The following LRRC4C variants were observed in gnomAD, a reference collection of about 807,000 sequenced individuals.
The protein encoded by LRRC4C is leucine-rich repeat-containing protein 4C.
In LRRC4C, 5 loss-of-function variants were observed where a neutral mutation model predicts 33.6. The ratio of observed to expected loss-of-function variants is 0.15; its 90% CI spans 0.08 to 0.31. LRRC4C has a LOEUF of 0.31. Among genes scored for constraint, LRRC4C ranks in the 10% least tolerant of loss-of-function variants. The pLI is 1.00. For synonymous variants in LRRC4C, 329 were observed against 302.0 expected, an observed-to-expected ratio of 1.09 and a Z score of -0.93; for missense variants, 560 against 796.7, an observed-to-expected ratio of 0.70 and a Z score of 3.58.
chr11:41,024,562 C>T (rs1856210959), intron 1 of LRRC4C, among the ~76,000 whole-genome samples: 1 of 151,820 alleles, frequency 6.6e-6, no homozygotes, highest in South Asian at 2.1e-4. Context: ...AAAAGAATCA[C>T]ATAGCAGTAA....
intron 1 of LRRC4C, among the ~76,000 whole-genome samples, chr11:40,976,285 T>C (rs1336382389): frequency 6.6e-6 from 1 of 152,184 alleles, no homozygotes; most frequent in Non-Finnish European, 1.5e-5. Flanking sequence ...TGATTTCCCT[T>C]TGCCTGTTGG....
chr11:40,736,059 A>G (rs896115557), intron 2 of LRRC4C, among the ~76,000 whole-genome samples: 2 of 152,002 alleles, frequency 1.3e-5, no homozygotes, highest in African/African-American at 4.8e-5. Context: ...ACATGTGCAG[A>G]AAGTGCAGGT....
At chr11:40,305,005 T>G (rs1243896727) in intron 4 of LRRC4C, among the ~76,000 whole-genome samples, 1 of 152,184 alleles carries the variant, frequency 6.6e-6, no homozygotes, top group Non-Finnish European at 1.5e-5. Context: ...GACCTCGTGA[T>G]CTACCCTCCT....
At chr11:41,364,820 A>T (rs1246338861) in intron 1 of LRRC4C, among the ~76,000 whole-genome samples, 2 of 152,170 alleles carry the variant, frequency 1.3e-5, no homozygotes, top group African/African-American at 4.8e-5. Context: ...CATAAAGAGA[A>T]ATTGGCTGGT....
intron 2 of LRRC4C, among the ~76,000 whole-genome samples, chr11:40,733,645 A>G (rs1294642152): frequency 6.6e-6 from 1 of 152,326 alleles, no homozygotes; most frequent in East Asian, 1.9e-4. Flanking sequence ...TATGAAGTCC[A>G]GTCCTTTACG....
rs77934711 is a variant in LRRC4C, at chr11:40,382,123, A to ATTTTTTTTT, written c.-269-62411_-269-62403dup. 2.5e-3 allele frequency among the ~76,000 whole-genome samples: 254 copies of ATTTTTTTTT among 99,980 alleles called. 1 individual carries two copies. Among genetic ancestry groups the ATTTTTTTTT allele is most frequent in the Non-Finnish European group, 3.1e-3 (152 of 49,614 alleles). 65.6% of individuals were successfully genotyped at this position (99,980 alleles called of 152,430 possible). ...AGGCGCCCACCACTATGCCCGGCTA[A>ATTTTTTTTT]TTTTTTTTTTTTTTTTTTTTTTTTT... On this transcript the variant is annotated intron_variant, in intron 3 of 6. Coordinates refer to ENST00000528697, the MANE Select transcript of LRRC4C (RefSeq NM_001258419.2).
At chr11:40,774,932 C>T (rs1017740033) in intron 2 of LRRC4C, among the ~76,000 whole-genome samples, 49 of 152,108 alleles carry the variant, frequency 3.2e-4, no homozygotes, top group Non-Finnish European at 4.7e-4. Context: ...TATCTGCTGG[C>T]ATATTAATCT....
chr11:40,925,016 G>T (rs1371082353), intron 2 of LRRC4C, among the ~76,000 whole-genome samples: 1 of 152,068 alleles, frequency 6.6e-6, no homozygotes, highest in Admixed American at 6.6e-5. Context: ...AGGAGCTTGG[G>T]TTCTTTCTTC....
intron 6 of LRRC4C, among the ~76,000 whole-genome samples, chr11:40,129,355 GT>G (rs1436039870): frequency 1.3e-5 from 2 of 152,252 alleles, no homozygotes; most frequent in East Asian, 1.9e-4. Flanking sequence ...CTCTTTGCAT[GT>G]TTTTTTGAGG....
At chr11:41,342,002 C>G (rs1951655765) in intron 1 of LRRC4C, among the ~76,000 whole-genome samples, 2 of 151,330 alleles carry the variant, frequency 1.3e-5, no homozygotes, top group East Asian at 1.9e-4. Context: ...TCATCTTGAC[C>G]TAACTTTTCA....
chr11:40,998,580 A>G (rs1039946904), intron 1 of LRRC4C, among the ~76,000 whole-genome samples: 10 of 152,128 alleles, frequency 6.6e-5, no homozygotes, highest in Admixed American at 1.3e-4. Flanking sequence ...CAAAGTCCTG[A>G]TTAGGCCTAT....
intron 3 of LRRC4C, among the ~76,000 whole-genome samples, chr11:40,352,110 TCTTCCTTC>T (rs200446819): frequency 0.11 from 13,468 of 123,006 alleles, 775 homozygotes; most frequent in East Asian, 0.18. Flanking sequence ...TTCCTTTCTT[TCTTCCTTC>T]CTTCCTTCCT....
chr11:41,098,733 G>T (rs980850967), intron 1 of LRRC4C, among the ~76,000 whole-genome samples: 13 of 151,966 alleles, frequency 8.6e-5, no homozygotes, highest in Non-Finnish European at 1.8e-4. Context: ...AGCTTTTCTT[G>T]ATTGAAAAAG....
chr11:40,117,840 G>C (rs571454263), intron 6 of LRRC4C, among the ~76,000 whole-genome samples: 79 of 151,860 alleles, frequency 5.2e-4, no homozygotes, highest in Admixed American at 1.3e-3. Flanking sequence ...TTGCAAAATG[G>C]GAATGAAGAT....
intron 1 of LRRC4C, among the ~76,000 whole-genome samples, chr11:41,340,606 T>A (rs180726992): frequency 6.6e-6 from 1 of 152,254 alleles, no homozygotes; most frequent in Admixed American, 6.5e-5. Context: ...GGGGCCCTTA[T>A]CCAAAGAAAC....
At chr11:41,350,926 C>T (rs1420999770) in intron 1 of LRRC4C, among the ~76,000 whole-genome samples, 2 of 152,162 alleles carry the variant, frequency 1.3e-5, no homozygotes, top group East Asian at 3.9e-4. Context: ...TTTGAATCAA[C>T]TCAGTCACAC....
intron 2 of LRRC4C, among the ~76,000 whole-genome samples, chr11:40,821,458 A>T (rs148257711): frequency 6.6e-6 from 1 of 151,732 alleles, no homozygotes; most frequent in African/African-American, 2.4e-5. Context: ...AAAATAAATT[A>T]TTATAGATTT....
intron 3 of LRRC4C, among the ~76,000 whole-genome samples, chr11:40,615,129 G>T (rs1171842519): frequency 1.3e-5 from 2 of 150,854 alleles, no homozygotes; most frequent in Non-Finnish European, 3.0e-5. Context: ...ATAACAAAAT[G>T]AACTATATTA....
chr11:40,122,952 T>C (rs371985309), intron 6 of LRRC4C, among the ~76,000 whole-genome samples: 1 of 140,404 alleles, frequency 7.1e-6, no homozygotes, highest in Non-Finnish European at 1.6e-5. Flanking sequence ...TATATATTTA[T>C]ACACACACAC....
Sources: gnomAD v4.1 joint callset for allele counts (sites outside exome capture counted in the v4.1 genomes callset) on GRCh38, gnomAD v4.1.1 for gene constraint, MANE v1.5 for transcripts, NCBI Gene and HGNC (gene_info 2026-07-23, HGNC 2026-07-21) for gene names.